The following DOK6 variants were observed in gnomAD, a reference collection of about 807,000 sequenced individuals.
DOK6 encodes the protein docking protein 6.
DOK6 carries 22 observed loss-of-function variants against 44.0 expected under a neutral mutation model. The ratio of observed to expected loss-of-function variants is 0.50; its 90% confidence interval spans 0.36 to 0.71. The LOEUF (loss-of-function observed/expected upper bound fraction) is 0.71. DOK6 is among the 30% of genes least tolerant of loss of function. The pLI, the probability that DOK6 is intolerant of heterozygous loss-of-function variation, is 0.00. For missense variants in DOK6, 340 were observed against 416.4 expected, an observed-to-expected ratio of 0.82 and a Z score of 1.60; for synonymous variants, 166 against 145.5, an observed-to-expected ratio of 1.14 and a Z score of -1.01.
intron 1 of DOK6, among the ~76,000 whole-genome samples, chr18:69,486,802 C>G (rs1172823649): frequency 6.6e-6 from 1 of 152,088 alleles, no homozygotes; most frequent in African/African-American, 2.4e-5. Context: ...TTTTAACTAA[C>G]AATGTTAAGG....
intron 5 of DOK6, among the ~76,000 whole-genome samples, chr18:69,716,048 T>G (rs898716301): frequency 6.6e-5 from 10 of 152,368 alleles, no homozygotes; most frequent in Admixed American, 5.2e-4. Context: ...GAAAAAGGAA[T>G]GCTTTAGCAA....
intron 1 of DOK6, among the ~76,000 whole-genome samples, chr18:69,508,134 T>C (rs537271940): frequency 1.3e-5 from 2 of 152,332 alleles, no homozygotes; most frequent in Admixed American, 1.3e-4. Context: ...TTTTCCATTA[T>C]ATAATCTTTT....
intron 1 of DOK6, among the ~76,000 whole-genome samples, chr18:69,421,155 C>T (rs75459219): frequency 6.6e-6 from 1 of 152,264 alleles, no homozygotes; most frequent in Non-Finnish European, 1.5e-5. Flanking sequence ...ATTCTATATG[C>T]AGCAGTATGA....
At chr18:69,677,976 C>T (rs1443727908) in intron 4 of DOK6, 123 bp downstream of exon 4, 9 of 1,394,666 alleles carry the variant, frequency 6.5e-6, no homozygotes, top group African/African-American at 2.9e-5. Context: ...AGGCCGAGTG[C>T]AGTGGCGCAA....
intron 3 of DOK6, among the ~76,000 whole-genome samples, chr18:69,640,216 C>G (rs180772681): frequency 9.2e-5 from 14 of 152,302 alleles, no homozygotes; most frequent in Non-Finnish European, 1.5e-5. Context: ...CAAAATATTG[C>G]CTCAATCTGG....
At chr18:69,663,368 C>T (rs1985577466) in intron 3 of DOK6, 1 of 151,844 alleles carries the variant, frequency 6.6e-6, no homozygotes, top group South Asian at 2.1e-4. Context: ...ACGACAAACC[C>T]CCATGACACC....
At chr18:69,830,414 T>C (rs1443270344) in intron 7 of DOK6, among the ~76,000 whole-genome samples, 1 of 152,120 alleles carries the variant, frequency 6.6e-6, no homozygotes, top group Non-Finnish European at 1.5e-5. Context: ...CAACTGGTGT[T>C]CTTATAAGAA....
rs939329794 is a variant in DOK6, at chr18:69,844,869, A to G, written c.*3486A>G. On this transcript the variant is annotated 3_prime_UTR_variant, in exon 8 of 8. Coordinates refer to ENST00000382713, the MANE Select transcript of DOK6 (RefSeq NM_152721.6). ...TCTTGCGTAATTCTTCTCTGTCTTCATTGGGAAATTATGTTTGAAAATCTT... is the reference window on the plus strand; with the variant it reads ...TCTTGCGTAATTCTTCTCTGTCTTCGTTGGGAAATTATGTTTGAAAATCTT... The G allele has an allele frequency of 2.6e-5, 4 of 152,236 alleles. No individual in the cohort carries two copies. Among genetic ancestry groups the G allele is most frequent in the Admixed American group, 2.6e-4 (4 of 15,286 alleles). 9.4% of individuals were successfully genotyped at this position (152,236 alleles called of 1,614,324 possible).
chr18:69,648,767 G>T (rs535298962), intron 3 of DOK6, among the ~76,000 whole-genome samples: 1 of 152,288 alleles, frequency 6.6e-6, no homozygotes, highest in South Asian at 2.1e-4. Context: ...AATCAGAACA[G>T]CCCCCTGTTC....
intron 3 of DOK6, chr18:69,643,836 A>G (rs1985003784): frequency 6.6e-6 from 1 of 152,204 alleles, no homozygotes. Context: ...AATGTTTTCC[A>G]AAATGTATCA....
chr18:69,558,275 C>T (rs1476728191), intron 1 of DOK6, among the ~76,000 whole-genome samples: 3 of 152,080 alleles, frequency 2.0e-5, no homozygotes, highest in African/African-American at 7.2e-5. Flanking sequence ...CCTTGTACTT[C>T]TGCTTATTTT....
At chr18:69,740,448 T>C (rs1978763543) in intron 6 of DOK6, among the ~76,000 whole-genome samples, 1 of 152,240 alleles carries the variant, frequency 6.6e-6, no homozygotes, top group Admixed American at 6.5e-5. Flanking sequence ...CTAACCATGA[T>C]GTCACTTGCT....
intron 1 of DOK6, among the ~76,000 whole-genome samples, chr18:69,472,882 CAT>C (rs1276259010): frequency 1.3e-5 from 2 of 152,096 alleles, no homozygotes; most frequent in Admixed American, 1.3e-4. Flanking sequence ...GAATTTCAAA[CAT>C]AGGTCATTCA....
At chr18:69,680,835 T>C (rs1248736892) in intron 4 of DOK6, among the ~76,000 whole-genome samples, 1 of 152,242 alleles carries the variant, frequency 6.6e-6, no homozygotes, top group East Asian at 1.9e-4. Flanking sequence ...TCTTAGACAA[T>C]ATACTCACTT....
intron 5 of DOK6, among the ~76,000 whole-genome samples, chr18:69,722,101 T>C (rs961633916): frequency 1.3e-5 from 2 of 152,238 alleles, no homozygotes; most frequent in Non-Finnish European, 2.9e-5. Context: ...GAAATCTTAA[T>C]TCCATATTAT....
chr18:69,802,990 A>T (rs1381807453), intron 7 of DOK6, among the ~76,000 whole-genome samples: 1 of 152,154 alleles, frequency 6.6e-6, no homozygotes, highest in Non-Finnish European at 1.5e-5. Flanking sequence ...TCTTATTTTT[A>T]ATAACTTTAA....
In DOK6 at chr18:69,401,327, G is replaced by T; in HGVS notation, c.66+17G>T. 6.6e-7 allele frequency: 1 copy of T among 1,509,380 alleles called. No homozygotes were observed. Among genetic ancestry groups the T allele is most frequent in the South Asian group, 1.3e-5 (1 of 78,008 alleles). The allele number at this position is 1,509,380 out of a possible 1,614,324, so 93.5% of individuals were successfully genotyped here. On this transcript the variant is annotated intron_variant, in intron 1 of 7. Transcript: ENST00000382713. ...AAGCTTGGGGTGAGTGGCTCGCTCG[G>T]CTTGCTCCTTCCCCGGCGCTCGTTC...
At chr18:69,562,700 G>A (rs1295336502) in intron 1 of DOK6, among the ~76,000 whole-genome samples, 1 of 152,088 alleles carries the variant, frequency 6.6e-6, no homozygotes, top group East Asian at 1.9e-4. Flanking sequence ...AAAAACCCTA[G>A]AAGAAAACCT....
At chr18:69,705,117 T>C (rs1015302991) in intron 5 of DOK6, 1 of 152,250 alleles carries the variant, frequency 6.6e-6, no homozygotes, top group Non-Finnish European at 1.5e-5. Context: ...TTTATCATTA[T>C]CCTCCTTGTC....
Sources: allele counts gnomAD v4.1 joint callset (sites outside exome capture counted in the v4.1 genomes callset), GRCh38; gene constraint gnomAD v4.1.1; transcripts MANE v1.5; gene names NCBI Gene and HGNC (gene_info 2026-07-23, HGNC 2026-07-21).